The following DOCK4 variants were observed in gnomAD, a reference collection of about 807,000 sequenced individuals.
The protein encoded by DOCK4 is dedicator of cytokinesis 4.
A neutral mutation model predicts 268.1 loss-of-function variants in DOCK4; 97 were observed. That is an observed-to-expected ratio of 0.36 (90% CI 0.31 to 0.43). The LOEUF (loss-of-function observed/expected upper bound fraction) is 0.43. DOCK4 is among the 20% of genes least tolerant of loss of function. The pLI, the probability that DOCK4 is intolerant of heterozygous loss-of-function variation, is 1.00. For synonymous variants in DOCK4, 954 were observed against 887.2 expected (o/e 1.08, Z -1.34); for missense variants, 2,145 against 2,455.7 (o/e 0.87, Z 2.67).
chr7:112,038,486 G>A (rs1009068494), intron 1 of DOCK4, among the ~76,000 whole-genome samples: 18 of 152,166 alleles, frequency 1.2e-4, no homozygotes, highest in African/African-American at 3.9e-4. Context: ...AAATACTAAT[G>A]TCACCCTGCT....
In DOCK4 at chr7:111,863,572, A is replaced by G. The variant is rs910053878; in HGVS notation, c.2281-8T>C. The G allele has an allele frequency of 1.9e-6, 3 of 1,585,150 alleles. No individual in the cohort carries two copies. Among genetic ancestry groups the G allele is most frequent in the Non-Finnish European group, 2.6e-6 (3 of 1,163,004 alleles). ...AGAGCTCAGAAACACAGCCTTAAAA[A>G]GAAGAAGACATTTAAATCAACTCCC... On this transcript the variant is annotated splice_polypyrimidine_tract_variant and splice_region_variant and intron_variant, in intron 22 of 52. Transcript: ENST00000428084.
chr7:111,735,194 C>T, intron 50 of DOCK4, 27 bp from the exon 51 acceptor site: 2 of 1,475,848 alleles, frequency 1.4e-6, no homozygotes, highest in Admixed American at 4.3e-5. Flanking sequence ...CAGCTAAAAA[C>T]ACACGGTCCA....
intron 1 of DOCK4, among the ~76,000 whole-genome samples, chr7:112,128,978 C>T (rs112447504): frequency 6.6e-5 from 10 of 152,260 alleles, no homozygotes; most frequent in African/African-American, 2.4e-4. Flanking sequence ...ATAGTCACTG[C>T]GGAAAGCAGG....
intron 35 of DOCK4, among the ~76,000 whole-genome samples, chr7:111,778,641 C>G (rs917925920): frequency 3.3e-5 from 5 of 152,152 alleles, no homozygotes; most frequent in Admixed American, 2.6e-4. Flanking sequence ...AATGAACAAT[C>G]AGCCTGTTCA....
intron 1 of DOCK4, among the ~76,000 whole-genome samples, chr7:112,061,288 G>A (rs77552167): frequency 0.032 from 4,825 of 152,182 alleles, 282 homozygotes; most frequent in African/African-American, 0.11. Flanking sequence ...TCCTGTCCCG[G>A]CTGCCCTGCC....
At position 111,741,192 on chromosome 7, in the gene DOCK4, T is replaced by C. The variant is rs188149102; in HGVS notation, c.4942A>G (p.Asn1648Asp). The C allele has an allele frequency of 6.2e-7, 1 of 1,613,944 alleles. No homozygotes were observed. Among genetic ancestry groups the C allele is most frequent in the Admixed American group, 1.7e-5 (1 of 60,018 alleles). The part of the protein sequence containing the change: ...RRSPLSYPAV[N>D]RYSSSSLSSQ... Reference sequence around the variant, plus strand: ...GACAGTGAGGAGGAAGAATATCGGTTGACAGCTGGGTAACTTAACGGGCTG... The same window carrying C: ...GACAGTGAGGAGGAAGAATATCGGTCGACAGCTGGGTAACTTAACGGGCTG... The change falls in exon 47 of 53, where the codon AAC (asparagine) becomes GAC (aspartate). Residue 1648 changes from asparagine to aspartate, a missense_variant. Transcript: ENST00000428084.
intron 25 of DOCK4, among the ~76,000 whole-genome samples, chr7:111,838,699 G>A (rs1803432727): frequency 6.6e-6 from 1 of 152,096 alleles, no homozygotes; most frequent in Non-Finnish European, 1.5e-5. Flanking sequence ...TAGTTGCTTG[G>A]GGATGAGGTA....
At chr7:112,107,012 T>TACATTTCCAAA (rs564802280) in intron 1 of DOCK4, among the ~76,000 whole-genome samples, 17 of 152,248 alleles carry the variant, frequency 1.1e-4, no homozygotes, top group Non-Finnish European at 1.8e-4. Flanking sequence ...CATAAAAGTC[T>TACATTTCCAAA]AATAACTACA....
At chr7:111,800,239 G>GCAA (rs1303248517) in intron 30 of DOCK4, among the ~76,000 whole-genome samples, 1 of 147,970 alleles carries the variant, frequency 6.8e-6, no homozygotes, top group African/African-American at 2.5e-5. Flanking sequence ...AAAAAAAACA[G>GCAA]CAACAACAAC....
chr7:111,760,738 TTGTGTGTGTG>T lies in DOCK4; in HGVS notation c.4021-426_4021-417del, dbSNP rs3997406. On this transcript the variant is annotated intron_variant, in intron 39 of 52. Coordinates refer to ENST00000428084, the MANE Select transcript of DOCK4 (RefSeq NM_001363540.2). ...GAAAAGTAAATTTGTTGTCTGCTTT[TTGTGTGTGTG>T]TGTGTGTGTGTGTGTGTGTGTGTGT... 6.0e-3 allele frequency among the ~76,000 whole-genome samples: 818 copies of T among 136,918 alleles called. 5 individuals carry two copies. The highest frequency in any genetic ancestry group is 0.013 in the African/African-American group (459 of 35,668). 89.8% of individuals were successfully genotyped at this position (136,918 alleles called of 152,430 possible).
intron 1 of DOCK4, among the ~76,000 whole-genome samples, chr7:112,195,521 A>T (rs1486814528): frequency 6.6e-6 from 1 of 151,922 alleles, no homozygotes; most frequent in Non-Finnish European, 1.5e-5. Flanking sequence ...TCCTCAACCA[A>T]CTTTGGCTAC....
At chr7:111,835,061 T>C (rs1803129706) in intron 25 of DOCK4, among the ~76,000 whole-genome samples, 1 of 152,212 alleles carries the variant, frequency 6.6e-6, no homozygotes, top group South Asian at 2.1e-4. Context: ...AAGCTTCATA[T>C]CAACACTATG....
intron 27 of DOCK4, among the ~76,000 whole-genome samples, chr7:111,813,576 CAT>C (rs1481355236): frequency 6.6e-6 from 1 of 152,170 alleles, no homozygotes; most frequent in Non-Finnish European, 1.5e-5. Context: ...GTGCATTTTA[CAT>C]ATGTCATATG....
At chr7:112,134,869 G>A (rs1814172146) in intron 1 of DOCK4, among the ~76,000 whole-genome samples, 1 of 152,040 alleles carries the variant, frequency 6.6e-6, no homozygotes, top group African/African-American at 2.4e-5. Context: ...GCTTCAATGA[G>A]GCATATTCCA....
chr7:111,895,973 A>T (rs539050771), intron 15 of DOCK4, among the ~76,000 whole-genome samples: 2 of 152,300 alleles, frequency 1.3e-5, no homozygotes, highest in South Asian at 4.1e-4. Context: ...TTTTTAAAAA[A>T]TTTGTGGATT....
intron 30 of DOCK4, among the ~76,000 whole-genome samples, chr7:111,802,358 A>G (rs1800365909): frequency 6.6e-6 from 1 of 152,182 alleles, no homozygotes; most frequent in Admixed American, 6.5e-5. Flanking sequence ...AGATGGCTGC[A>G]GGGGCTCAAA....
chr7:112,090,722 A>G (rs1003980773), intron 1 of DOCK4, among the ~76,000 whole-genome samples: 5 of 152,212 alleles, frequency 3.3e-5, no homozygotes, highest in African/African-American at 1.2e-4. Context: ...GGTAAGCTAT[A>G]AACATAGTGC....
intron 5 of DOCK4, among the ~76,000 whole-genome samples, chr7:111,991,464 G>C (rs1192714609): frequency 1.3e-5 from 2 of 151,990 alleles, no homozygotes; most frequent in Non-Finnish European, 2.9e-5. Context: ...TTAAACACTT[G>C]GAATAAAACA....
chr7:111,783,777 A>C (rs1256228210), intron 34 of DOCK4, 80 bp downstream of exon 34: 1 of 1,222,486 alleles, frequency 8.2e-7, no homozygotes, highest in Non-Finnish European at 1.2e-6. Flanking sequence ...CAAGAGTGGA[A>C]CGTTGATTGT....
Sources: gnomAD v4.1 joint callset for allele counts (sites outside exome capture counted in the v4.1 genomes callset) on GRCh38, gnomAD v4.1.1 for gene constraint, MANE v1.5 for transcripts, NCBI Gene and HGNC (gene_info 2026-07-23, HGNC 2026-07-21) for gene names.